LRRC69: variants seen among roughly 807,000 people sequenced by gnomAD.
LRRC69 encodes leucine rich repeat containing 69.
A neutral mutation model predicts 37.8 loss-of-function variants in LRRC69; 42 were observed. That is an observed-to-expected ratio of 1.11 (90% CI 0.87 to 1.44). The LOEUF (loss-of-function observed/expected upper bound fraction) is 1.44. Ranked by LOEUF, LRRC69 falls within the 40% of genes most tolerant of loss-of-function variation. The pLI is 0.00. For missense variants in LRRC69, 357 were observed against 401.9 expected (o/e 0.89, Z 0.96); for synonymous variants, 141 against 143.1 (o/e 0.99, Z 0.11).
At chr8:91,158,292 T>C (rs1366104388) in intron 5 of LRRC69, 2 of 1,507,390 alleles carry the variant, frequency 1.3e-6, no homozygotes, top group East Asian at 4.5e-5. Context: ...TACTTGAAAG[T>C]ATTCAATCCC....
chr8:91,166,488 A>T (rs1809029297), intron 5 of LRRC69, among the ~76,000 whole-genome samples: 1 of 99,260 alleles, frequency 1.0e-5, no homozygotes, highest in African/African-American at 3.4e-5. Context: ...TTGTAAAATA[A>T]ACTGAAAAAA....
chr8:91,118,688 C>T (rs1229836111), intron 1 of LRRC69: 1 of 161,198 alleles, frequency 6.2e-6, no homozygotes, highest in African/African-American at 2.4e-5. Flanking sequence ...ACCAATAGAA[C>T]TTCATTCTAC....
chr8:91,115,596 T>C (rs1813497252), intron 1 of LRRC69, among the ~76,000 whole-genome samples: 1 of 152,012 alleles, frequency 6.6e-6, no homozygotes, highest in Non-Finnish European at 1.5e-5. Flanking sequence ...TACTAAAGTA[T>C]GCAGGAATAT....
At chr8:91,110,021 C>T (rs569439703) in intron 1 of LRRC69, among the ~76,000 whole-genome samples, 5 of 152,144 alleles carry the variant, frequency 3.3e-5, no homozygotes, top group East Asian at 1.9e-4. Flanking sequence ...TCCTTCCATA[C>T]GTTGGCCATA....
intron 1 of LRRC69, chr8:91,118,350 GCAAAAAAAAAAAAAAAAAAA>G: frequency 9.9e-5 from 2 of 20,234 alleles, no homozygotes; most frequent in Non-Finnish European, 8.7e-5. Flanking sequence ...TACTAAAAAT[GCAAAAAAAAAAAAAAAAAAA>G]AAAAAAAAAA....
At chr8:91,151,065 T>A (rs1364665074) in intron 5 of LRRC69, among the ~76,000 whole-genome samples, 1 of 151,728 alleles carries the variant, frequency 6.6e-6, no homozygotes, top group African/African-American at 2.4e-5. Flanking sequence ...TTTTGAAGGG[T>A]TTTTTGTGTC....
intron 5 of LRRC69, among the ~76,000 whole-genome samples, chr8:91,141,267 G>C (rs1808529307): frequency 6.6e-6 from 1 of 151,988 alleles, no homozygotes; most frequent in South Asian, 2.1e-4. Context: ...TCACAAACTG[G>C]GGCTTAAAGG....
intron 5 of LRRC69, among the ~76,000 whole-genome samples, chr8:91,161,390 T>TTTTAAAA (rs1376571946): frequency 1.3e-5 from 2 of 151,350 alleles, no homozygotes; most frequent in Non-Finnish European, 3.0e-5. Flanking sequence ...AAAAGTTTGA[T>TTTTAAAA]AGAATTTAGC....
At chr8:91,212,210 G>A (rs935622562) in intron 7 of LRRC69, among the ~76,000 whole-genome samples, 7 of 152,124 alleles carry the variant, frequency 4.6e-5, no homozygotes, top group African/African-American at 1.7e-4. Context: ...AACTTTGTCT[G>A]TATTTGAACA....
intron 5 of LRRC69, among the ~76,000 whole-genome samples, chr8:91,174,443 C>T (rs1809189595): frequency 6.6e-6 from 1 of 152,168 alleles, no homozygotes; most frequent in African/African-American, 2.4e-5. Flanking sequence ...CCACACTGGG[C>T]CTTGTATGGA....
At chr8:91,145,339 C>T (rs1808599221) in intron 5 of LRRC69, among the ~76,000 whole-genome samples, 1 of 151,878 alleles carries the variant, frequency 6.6e-6, no homozygotes, top group South Asian at 2.1e-4. Context: ...CCACTTTGCT[C>T]AAATAGCCAT....
intron 7 of LRRC69, among the ~76,000 whole-genome samples, chr8:91,201,870 G>T (rs1359125462): frequency 1.3e-5 from 2 of 152,084 alleles, no homozygotes; most frequent in East Asian, 3.9e-4. Flanking sequence ...TAGTTTGCTA[G>T]GGCTGACCTA....
At chr8:91,142,607 T>C (rs1396982997) in intron 5 of LRRC69, among the ~76,000 whole-genome samples, 1 of 152,000 alleles carries the variant, frequency 6.6e-6, no homozygotes, top group African/African-American at 2.4e-5. Context: ...AGGCCCTCCT[T>C]CTAGGATTTC....
At chr8:91,156,119 C>G (rs1255694507) in intron 5 of LRRC69, among the ~76,000 whole-genome samples, 3 of 150,760 alleles carry the variant, frequency 2.0e-5, no homozygotes, top group African/African-American at 2.4e-5. Flanking sequence ...TTTGAGGAAA[C>G]TTCATACTGT....
At chr8:91,111,685 C>T (rs910418978) in intron 1 of LRRC69, among the ~76,000 whole-genome samples, 1 of 151,730 alleles carries the variant, frequency 6.6e-6, no homozygotes, top group Non-Finnish European at 1.5e-5. Flanking sequence ...ATGATAAGAA[C>T]GCATGGACAC....
chr8:91,116,117 C>A (rs762802389), intron 1 of LRRC69, among the ~76,000 whole-genome samples: 2 of 151,874 alleles, frequency 1.3e-5, no homozygotes. Context: ...AGTAAAGTGT[C>A]AATATGTATG....
chr8:91,124,556 A>G, exon 2 of LRRC69: 1 of 1,533,500 alleles, frequency 6.5e-7, no homozygotes, highest in South Asian at 1.2e-5. Context: ...GAAATATCTT[A>G]CATCTCTGAA....
At chr8:91,158,366 G>A in intron 5 of LRRC69, 3 of 1,434,268 alleles carry the variant, frequency 2.1e-6, no homozygotes, top group Non-Finnish European at 2.9e-6. Flanking sequence ...TTGGTATTTA[G>A]ATGACAACAT....
chr8:91,206,756 G>A, intron 7 of LRRC69: 1 of 1,289,654 alleles, frequency 7.8e-7, no homozygotes, highest in Non-Finnish European at 1.0e-6. Context: ...TGCATCTGGT[G>A]CTCTGCTAAA....
Sources: allele counts gnomAD v4.1 joint callset (sites outside exome capture counted in the v4.1 genomes callset), GRCh38; gene constraint gnomAD v4.1.1; transcripts MANE v1.5; gene names NCBI Gene and HGNC (gene_info 2026-07-23, HGNC 2026-07-21).